ANKRD1: variants seen among roughly 807,000 people sequenced by gnomAD.
ANKRD1 encodes the protein ankyrin repeat domain 1.
A neutral mutation model predicts 40.1 loss-of-function variants in ANKRD1; 32 were observed. That is an observed-to-expected ratio of 0.80 (90% CI 0.60 to 1.07). ANKRD1 has a LOEUF of 1.07. Ranked by LOEUF, ANKRD1 falls within the 50% of genes least tolerant of loss-of-function variation. The pLI is 0.00. For missense variants in ANKRD1, 359 were observed against 386.0 expected (o/e 0.93, Z 0.59); for synonymous variants, 149 against 141.2 (o/e 1.06, Z -0.39).
At position 90,912,173 on chromosome 10, in the gene ANKRD1, AT is replaced by A. The variant is rs1157951269; in HGVS notation, c.*692del. ...ATACATTTATACATTTACAGTTTGC[AT>A]TTCCTTTCATCTTTTTTGAGCAAAT... On this transcript the variant is annotated 3_prime_UTR_variant, in exon 9 of 9. Coordinates refer to ENST00000371697, the MANE Select transcript of ANKRD1 (RefSeq NM_014391.3). The A allele has an allele frequency of 6.6e-6, 1 of 151,634 alleles. No homozygotes were observed. Among genetic ancestry groups the A allele is most frequent in the African/African-American group, 2.4e-5 (1 of 41,148 alleles). 9.4% of individuals were successfully genotyped at this position (151,634 alleles called of 1,614,324 possible).
In ANKRD1 at chr10:90,916,150, GAGA is replaced by G; in HGVS notation, c.651+18_651+20del. On this transcript the variant is annotated intron_variant, in intron 6 of 8. Transcript: ENST00000371697. ...GGGAGGGGGAGGGGGTGAATGAAGGGAGAAGGAGAAGAAGGAATACCTTATCTC... is the reference window on the plus strand; with the variant it reads ...GGGAGGGGGAGGGGGTGAATGAAGGGAGGAGAAGAAGGAATACCTTATCTC... The G allele has an allele frequency of 5.7e-6, 9 of 1,584,792 alleles. No individual in the cohort carries two copies. Among genetic ancestry groups the G allele is most frequent in the Non-Finnish European group, 7.8e-6 (9 of 1,154,904 alleles).
chr10:90,912,611 G>T lies in ANKRD1; in HGVS notation c.*255C>A, dbSNP rs12219496. On this transcript the variant is annotated 3_prime_UTR_variant, in exon 9 of 9. Transcript: ENST00000371697. ...TATACAAATGAAGCTCTGCTCACCA[G>T]ATGGATGATCATGAAGGTCTGAATA... The T allele has an allele frequency of 4.7e-6, 2 of 423,090 alleles. No homozygotes were observed. Among genetic ancestry groups the T allele is most frequent in the Non-Finnish European group, 8.8e-6 (2 of 226,394 alleles). The allele number at this position is 423,090 out of a possible 1,614,324, so 26.2% of individuals were successfully genotyped here.
chr10:90,913,921 G>A (rs906499391), intron 8 of ANKRD1, among the ~76,000 whole-genome samples: 11 of 152,180 alleles, frequency 7.2e-5, no homozygotes, highest in Non-Finnish European at 1.5e-4. Context: ...CTGGGTTGGG[G>A]AAGGGCCACC....
chr10:90,919,398 T>G (rs780665685), intron 2 of ANKRD1, 130 bp from the exon 3 acceptor site: 52 of 769,924 alleles, frequency 6.8e-5, no homozygotes, highest in Non-Finnish European at 1.0e-4. Flanking sequence ...TTTTTAAAAA[T>G]TATATAAATC....
At position 90,915,876 on chromosome 10, in the gene ANKRD1, A is replaced by T. The variant is rs796186723; in HGVS notation, c.656T>A (p.Leu219His). ...GAKISARDKL[L>H]STALHVAVRT... is the part of the protein sequence containing the mutation. ...CACCGCCACATGCAGCGCTGTGCTG[A>T]GCAACTGGAAAATTGGAAAACGCTG... Residue 219 changes from leucine to histidine, a missense_variant, in exon 7 of 9, where the codon CTC becomes CAC. Transcript: ENST00000371697. 3.7e-6 allele frequency: 6 copies of T among 1,607,384 alleles called. No homozygotes were observed. The highest frequency in any genetic ancestry group is 5.1e-6 in the Non-Finnish European group (6 of 1,178,170).
In ANKRD1 at chr10:90,915,860, A is replaced by G. The variant is rs1589508874; in HGVS notation, c.672T>C (p.His224=). 1 of 1,612,620 alleles carries G rather than the reference A, an allele frequency of 6.2e-7. No individual in the cohort carries two copies. Among genetic ancestry groups the G allele is most frequent in the East Asian group, 2.2e-5 (1 of 44,796 alleles). Residue 224 remains histidine (H), a synonymous_variant, in exon 7 of 9, where the codon CAT becomes CAC. Transcript: ENST00000371697. ...ARDKLLSTAL[H]VAVRTGHYEC... is the part of the protein sequence containing the mutation. The stretch of plus-strand genomic sequence containing the variant: ...CATAGTGGCCAGTCCTCACCGCCAC[A>G]TGCAGCGCTGTGCTGAGCAACTGGA...
chr10:90,917,634 T>C, intron 5 of ANKRD1, 98 bp downstream of exon 5: 1 of 1,045,836 alleles, frequency 9.6e-7, no homozygotes, highest in Non-Finnish European at 1.5e-6. Flanking sequence ...CTCAGATCAA[T>C]TTTCAATCCA....
intron 2 of ANKRD1, among the ~76,000 whole-genome samples, chr10:90,919,657 A>G (rs892605892): frequency 1.3e-5 from 2 of 152,236 alleles, no homozygotes; most frequent in African/African-American, 4.8e-5. Context: ...CTAACAATAA[A>G]TGTTAAGCTC....
At chr10:90,918,149 A>G (rs1847392923) in intron 4 of ANKRD1, among the ~76,000 whole-genome samples, 2 of 152,182 alleles carry the variant, frequency 1.3e-5, no homozygotes, top group African/African-American at 4.8e-5. Context: ...TTCATGTAGC[A>G]TTACCATGCA....
chr10:90,918,742 G>T, intron 4 of ANKRD1, 123 bp downstream of exon 4: 1 of 821,988 alleles, frequency 1.2e-6, no homozygotes, highest in Non-Finnish European at 2.0e-6. Context: ...GGCATACACA[G>T]CAACAGCTGG....
chr10:90,920,371 C>T (rs746449548), intron 1 of ANKRD1, 23 bp from the exon 2 acceptor site: 13 of 1,613,556 alleles, frequency 8.1e-6, no homozygotes, highest in South Asian at 2.2e-5. Flanking sequence ...AAGATGGCAG[C>T]GTCAGAAGCA....
At position 90,912,840 on chromosome 10, in the gene ANKRD1, T is replaced by A. The variant is rs746630281; in HGVS notation, c.*26A>T. Reference sequence around the variant, plus strand: ...TGCCTTCAAAATGCCAGTGAACATTTACTGATTAAGAGTCTGTCGTTTGCC... The same window carrying A: ...TGCCTTCAAAATGCCAGTGAACATTAACTGATTAAGAGTCTGTCGTTTGCC... On this transcript the variant is annotated 3_prime_UTR_variant, in exon 9 of 9. Coordinates refer to ENST00000371697, the MANE Select transcript of ANKRD1 (RefSeq NM_014391.3). 15 of 1,599,836 alleles carry A rather than the reference T, an allele frequency of 9.4e-6. No homozygotes were observed. The South Asian group carries it at 1.7e-4, about 18-fold the overall frequency.
At position 90,917,722 on chromosome 10, in the gene ANKRD1, A is replaced by C; in HGVS notation, c.552+10T>G. 1 of 1,611,580 alleles carries C rather than the reference A, an allele frequency of 6.2e-7. No individual in the cohort carries two copies. Among genetic ancestry groups the C allele is most frequent in the Non-Finnish European group, 8.5e-7 (1 of 1,177,814 alleles). On this transcript the variant is annotated intron_variant, in intron 5 of 8. Transcript: ENST00000371697. ...TTTTGGCTCATTCCCAAGCAAAGAAATATATTTACCATATCACGGAATTCG... is the reference window on the plus strand; with the variant it reads ...TTTTGGCTCATTCCCAAGCAAAGAACTATATTTACCATATCACGGAATTCG...
At chr10:90,915,960 G>C in intron 6 of ANKRD1, 80 bp from the exon 7 acceptor site, 1 of 1,425,598 alleles carries the variant, frequency 7.0e-7, no homozygotes, top group Non-Finnish European at 9.7e-7. Flanking sequence ...GTGCGAGGGG[G>C]AGAAGTGGTC....
At chr10:90,915,972 C>G in intron 6 of ANKRD1, 92 bp from the exon 7 acceptor site, 3 of 1,285,694 alleles carry the variant, frequency 2.3e-6, no homozygotes, top group Non-Finnish European at 3.3e-6. Flanking sequence ...GAAGTGGTCA[C>G]TAGGGTGCCT....
rs201380490 is a variant in ANKRD1 at position 90,916,429 on chromosome 10, CAT to C, written c.553-162_553-161del. Among the ~76,000 whole-genome samples the C allele has an allele frequency of 2.4e-3, 336 of 139,744 alleles. 1 individual carries two copies. Among genetic ancestry groups the C allele is most frequent in the East Asian group, 0.014 (71 of 5,008 alleles). The allele number at this position is 139,744 out of a possible 152,430, so 91.7% of individuals were successfully genotyped here. On this transcript the variant is annotated intron_variant, in intron 5 of 8. Transcript: ENST00000371697. ...CTTACCAAATGTGTTAGCTAAATTACATGTGTGTGTGTGTGTGTGTGCATATG... is the reference window on the plus strand; with the variant it reads ...CTTACCAAATGTGTTAGCTAAATTACGTGTGTGTGTGTGTGTGTGCATATG...
chr10:90,912,361 TCA>T lies in ANKRD1; in HGVS notation c.*503_*504del, dbSNP rs1402699909. On this transcript the variant is annotated 3_prime_UTR_variant, in exon 9 of 9. Coordinates refer to ENST00000371697, the MANE Select transcript of ANKRD1 (RefSeq NM_014391.3). ...AAAATAGCTGGCTTCACTGTCCTTT[TCA>T]CAGAATCACTTTCCTTCCATTGTTT... 2 of 152,788 alleles carry T rather than the reference TCA, an allele frequency of 1.3e-5. No individual in the cohort carries two copies. The highest frequency in any genetic ancestry group is 2.9e-5 in the Non-Finnish European group (2 of 69,560). 9.5% of individuals were successfully genotyped at this position (152,788 alleles called of 1,614,324 possible).
chr10:90,914,493 C>A (rs559947360), intron 8 of ANKRD1, among the ~76,000 whole-genome samples: 1 of 152,080 alleles, frequency 6.6e-6, no homozygotes, highest in Non-Finnish European at 1.5e-5. Flanking sequence ...TTAACCTGCT[C>A]TTTTTCTGAT....
chr10:90,912,926 T>C lies in ANKRD1; in HGVS notation c.900A>G (p.Lys300=). Reference sequence around the variant, plus strand: ...TCTCTCTGAGGCTGTCGAATATTGCTTTGGTTCCATTCTGCCAGTGTAGCA... The same window carrying C: ...TCTCTCTGAGGCTGTCGAATATTGCCTTGGTTCCATTCTGCCAGTGTAGCA... ...DLVLHWQNGT[K]AIFDSLRENS... The change falls in exon 9 of 9, where the codon AAA becomes AAG. Residue 300 remains lysine, a synonymous_variant. Coordinates refer to ENST00000371697, the MANE Select transcript of ANKRD1 (RefSeq NM_014391.3). 6.2e-7 allele frequency: 1 copy of C among 1,614,108 alleles called. No individual in the cohort carries two copies. Among genetic ancestry groups the C allele is most frequent in the Non-Finnish European group, 8.5e-7 (1 of 1,179,944 alleles).
Sources: gnomAD v4.1 joint callset for allele counts (sites outside exome capture counted in the v4.1 genomes callset) on GRCh38, gnomAD v4.1.1 for gene constraint, MANE v1.5 for transcripts, NCBI Gene and HGNC (gene_info 2026-07-23, HGNC 2026-07-21) for gene names.